The following CSMD1 variants were observed in gnomAD, a reference collection of about 807,000 sequenced individuals.
The protein encoded by CSMD1 is CUB and sushi domain-containing protein 1.
CSMD1 carries 213 observed loss-of-function variants against 417.5 expected under a neutral mutation model. The observed-to-expected ratio is 0.51, with a 90% CI of 0.46 to 0.57. CSMD1 has a LOEUF of 0.57. Among genes scored for constraint, CSMD1 ranks in the 20% least tolerant of loss-of-function variants. The pLI is 0.00. For synonymous variants in CSMD1, 2,862 were observed against 1,736.8 expected (o/e 1.65, Z -16.11); for missense variants, 6,923 against 4,529.7 (o/e 1.53, Z -15.17).
chr8:3,355,951 C>T (rs143204852), intron 21 of CSMD1, among the ~76,000 whole-genome samples: 2,318 of 152,130 alleles, frequency 0.015, 29 homozygotes, highest in Non-Finnish European at 0.024. Flanking sequence ...TTTCTATCAT[C>T]CTAAATGCAT....
intron 3 of CSMD1, among the ~76,000 whole-genome samples, chr8:4,165,051 C>G (rs777717378): frequency 1.3e-5 from 2 of 152,104 alleles, no homozygotes; most frequent in African/African-American, 2.4e-5. Context: ...TTGGTAGAGG[C>G]TGTGTAGACA....
chr8:3,107,871 T>C lies in CSMD1; in HGVS notation c.6755-73A>G, dbSNP rs889669030. ...GAATAAACACAACTATTACAAAACA[T>C]TCATCTTGCAGTTGTTATAATGCTT... On this transcript the variant is annotated intron_variant, in intron 44 of 69. Coordinates refer to ENST00000635120, the MANE Select transcript of CSMD1 (RefSeq NM_033225.6). 15 of 956,152 alleles carry C rather than the reference T, an allele frequency of 1.6e-5. No homozygotes were observed. In the African/African-American group the frequency reaches 2.4e-4, roughly 15 times the overall value. The allele number at this position is 956,152 out of a possible 1,614,324, so 59.2% of individuals were successfully genotyped here.
At chr8:4,180,188 C>T (rs1219035956) in intron 3 of CSMD1, among the ~76,000 whole-genome samples, 1 of 151,948 alleles carries the variant, frequency 6.6e-6, no homozygotes, top group Non-Finnish European at 1.5e-5. Context: ...AAATGTCCAA[C>T]AATGATAGAC....
intron 1 of CSMD1, among the ~76,000 whole-genome samples, chr8:4,829,654 C>T (rs893136671): frequency 1.3e-5 from 2 of 150,232 alleles, no homozygotes; most frequent in Non-Finnish European, 1.5e-5. Context: ...GAGGGGGGAT[C>T]GCTTAAATCC....
chr8:4,617,638 G>A (rs1337476622), intron 2 of CSMD1, among the ~76,000 whole-genome samples: 3 of 152,162 alleles, frequency 2.0e-5, no homozygotes. Flanking sequence ...ACTCTTCCCA[G>A]ATCTCCATGT....
At chr8:4,766,414 G>A (rs1184234811) in intron 1 of CSMD1, among the ~76,000 whole-genome samples, 1 of 152,188 alleles carries the variant, frequency 6.6e-6, no homozygotes, top group Non-Finnish European at 1.5e-5. Flanking sequence ...CCGTGAGACA[G>A]AGTTCTCCTT....
intron 32 of CSMD1, 49 bp downstream of exon 32, chr8:3,201,563 C>A (rs1031621708): frequency 2.2e-6 from 2 of 924,178 alleles, no homozygotes; most frequent in Admixed American, 2.7e-5. Flanking sequence ...AAAAATTAAT[C>A]CCCCTAGCTG....
chr8:3,775,713 C>A (rs951681987), intron 5 of CSMD1, among the ~76,000 whole-genome samples: 1 of 152,212 alleles, frequency 6.6e-6, no homozygotes, highest in Admixed American at 6.5e-5. Context: ...AAATGATGCA[C>A]GCAAACACAC....
At chr8:3,300,958 CAAAAAAAAAAA>C (rs374180480) in intron 25 of CSMD1, among the ~76,000 whole-genome samples, 1 of 50,602 alleles carries the variant, frequency 2.0e-5, no homozygotes, top group South Asian at 1.2e-3. Flanking sequence ...GACTCTGTCT[CAAAAAAAAAAA>C]AAAAAAAAAA....
intron 3 of CSMD1, among the ~76,000 whole-genome samples, chr8:4,159,008 C>T (rs539464849): frequency 3.9e-5 from 6 of 152,146 alleles, no homozygotes; most frequent in Admixed American, 6.5e-5. Flanking sequence ...CTTCACCTCC[C>T]AGATTCAAGC....
chr8:3,029,602 T>G (rs79402016), intron 50 of CSMD1, 89 bp from the exon 51 acceptor site: 1 of 1,155,686 alleles, frequency 8.7e-7, no homozygotes, highest in East Asian at 2.6e-5. Flanking sequence ...TCTTGCTATA[T>G]GAAACTGATC....
chr8:3,373,671 C>G (rs1218074840), intron 18 of CSMD1: 1 of 152,154 alleles, frequency 6.6e-6, no homozygotes, highest in African/African-American at 2.4e-5. Flanking sequence ...TATAGCTGCT[C>G]ATAATTTGAA....
chr8:3,554,903 C>A (rs142735015), intron 10 of CSMD1, among the ~76,000 whole-genome samples: 496 of 152,186 alleles, frequency 3.3e-3, no homozygotes, highest in African/African-American at 0.011. Flanking sequence ...TGAAACTCAA[C>A]AGTAACCTGG....
chr8:3,576,418 T>A (rs963716695), intron 9 of CSMD1, among the ~76,000 whole-genome samples: 8 of 152,274 alleles, frequency 5.3e-5, no homozygotes, highest in Admixed American at 1.3e-4. Context: ...GTCCTCTTTC[T>A]GCATTTACCT....
At chr8:2,988,209 G>C (rs1337474162) in intron 54 of CSMD1, among the ~76,000 whole-genome samples, 1 of 151,770 alleles carries the variant, frequency 6.6e-6, no homozygotes, top group African/African-American at 2.4e-5. Context: ...AGTTTTTGTG[G>C]TTGTTTCCTT....
At chr8:3,828,533 T>C (rs1390284674) in intron 5 of CSMD1, among the ~76,000 whole-genome samples, 1 of 152,178 alleles carries the variant, frequency 6.6e-6, no homozygotes, top group Non-Finnish European at 1.5e-5. Flanking sequence ...TTCCTCTCCT[T>C]TTTCCACCTT....
intron 30 of CSMD1, among the ~76,000 whole-genome samples, chr8:3,213,710 T>C (rs189506309): frequency 2.3e-3 from 344 of 151,014 alleles, no homozygotes; most frequent in African/African-American, 8.2e-3. Context: ...TAAAAATATA[T>C]GTACATTAAA....
intron 3 of CSMD1, among the ~76,000 whole-genome samples, chr8:4,198,306 G>A (rs1396680602): frequency 6.6e-6 from 1 of 152,258 alleles, no homozygotes; most frequent in Non-Finnish European, 1.5e-5. Flanking sequence ...GGCAGCAGGG[G>A]CTGGCAAGCC....
intron 25 of CSMD1, among the ~76,000 whole-genome samples, chr8:3,306,254 TTATAAA>T (rs1273425956): frequency 6.6e-6 from 1 of 152,204 alleles, no homozygotes; most frequent in African/African-American, 2.4e-5. Flanking sequence ...AATCATTTGT[TTATAAA>T]TATTTTTCAT....
Sources: allele counts gnomAD v4.1 joint callset (sites outside exome capture counted in the v4.1 genomes callset), GRCh38; gene constraint gnomAD v4.1.1; transcripts MANE v1.5; gene names NCBI Gene and HGNC (gene_info 2026-07-23, HGNC 2026-07-21).